Variants in PDZRN4 observed in about 807,000 individuals in gnomAD.
PDZRN4 encodes the protein PDZ domain containing ring finger 4.
Under a neutral mutation model 99.0 loss-of-function variants are expected in PDZRN4, and 70 were observed. That is an observed-to-expected ratio of 0.71 (90% confidence interval 0.58 to 0.86). The LOEUF (loss-of-function observed/expected upper bound fraction) is 0.86, where lower values mean the gene tolerates loss of function less well. PDZRN4 is among the 40% of genes least tolerant of loss of function. The probability of loss-of-function intolerance (pLI) is 0.00; values close to 1 mark genes in which losing one functional copy is unlikely to be tolerated. For missense variants in PDZRN4, 1,474 were observed against 1,331.2 expected (o/e 1.11, Z -1.67); for synonymous variants, 551 against 501.6 (o/e 1.10, Z -1.32).
At chr12:41,316,299 G>T in intron 3 of PDZRN4, among the ~76,000 whole-genome samples, 1 of 152,058 alleles carries the variant, frequency 6.6e-6, no homozygotes, top group East Asian at 1.9e-4. Context: ...TTAAAATCAA[G>T]ATAGGGAAGC....
intron 9 of PDZRN4, among the ~76,000 whole-genome samples, chr12:41,569,396 A>C (rs972303592): frequency 9.2e-5 from 14 of 152,244 alleles, no homozygotes; most frequent in African/African-American, 3.4e-4. Context: ...CTGGGATTAC[A>C]GGATCCCACC....
intron 3 of PDZRN4, among the ~76,000 whole-genome samples, chr12:41,405,390 C>A (rs1240800359): frequency 6.6e-6 from 1 of 152,164 alleles, no homozygotes; most frequent in African/African-American, 2.4e-5. Flanking sequence ...ATCAAAACCA[C>A]AATGAGATGC....
chr12:41,558,672 A>C (rs960633675), intron 7 of PDZRN4, among the ~76,000 whole-genome samples: 3 of 152,212 alleles, frequency 2.0e-5, no homozygotes, highest in Admixed American at 1.3e-4. Context: ...GTCTAGATTC[A>C]CTAAGGAAAC....
rs186764803 is a variant in PDZRN4 at position 41,193,998 on chromosome 12, T to C, written c.736-83T>C. On this transcript the variant is annotated intron_variant, in intron 2 of 9. Transcript: ENST00000402685. ...GAGTTGCAGGTTTACAGAGGATTGGTAATGTTACATTTGGTAAATTGTCCC... is the reference window on the plus strand; with the variant it reads ...GAGTTGCAGGTTTACAGAGGATTGGCAATGTTACATTTGGTAAATTGTCCC... 1.9e-3 allele frequency: 1,273 copies of C among 686,376 alleles called. 10 individuals are homozygous for C. The highest frequency in any genetic ancestry group is 5.8e-3 in the Admixed American group (255 of 43,720). The allele number at this position is 686,376 out of a possible 1,614,324, so 42.5% of individuals were successfully genotyped here.
chr12:41,528,340 C>A (rs144394214), intron 5 of PDZRN4, among the ~76,000 whole-genome samples: 4 of 152,188 alleles, frequency 2.6e-5, no homozygotes, highest in Admixed American at 6.5e-5. Flanking sequence ...CTCAGAGGAC[C>A]CTCCAGGGCT....
intron 3 of PDZRN4, among the ~76,000 whole-genome samples, chr12:41,339,689 T>G (rs1474976878): frequency 6.6e-6 from 1 of 152,036 alleles, no homozygotes; most frequent in Non-Finnish European, 1.5e-5. Flanking sequence ...AAGGAATTAA[T>G]AGGCAGAATA....
intron 3 of PDZRN4, among the ~76,000 whole-genome samples, chr12:41,204,249 T>A (rs968143343): frequency 2.6e-5 from 4 of 151,972 alleles, no homozygotes; most frequent in African/African-American, 7.2e-5. Context: ...CTATCCCCTA[T>A]GTCTGTTAGG....
chr12:41,208,192 T>G (rs992872323), intron 3 of PDZRN4, among the ~76,000 whole-genome samples: 1 of 151,888 alleles, frequency 6.6e-6, no homozygotes, highest in East Asian at 1.9e-4. Context: ...TCATAATCTA[T>G]TGGAAATATC....
intron 3 of PDZRN4, among the ~76,000 whole-genome samples, chr12:41,307,125 A>G (rs930939199): frequency 6.6e-6 from 1 of 151,976 alleles, no homozygotes; most frequent in African/African-American, 2.4e-5. Context: ...TTTTTTCAGT[A>G]TTTGTTATAG....
chr12:41,469,927 C>T (rs1032707974), intron 3 of PDZRN4, among the ~76,000 whole-genome samples: 1 of 151,404 alleles, frequency 6.6e-6, no homozygotes, highest in African/African-American at 2.4e-5. Flanking sequence ...GAGACTCCAT[C>T]TCAAAAATAA....
intron 5 of PDZRN4, among the ~76,000 whole-genome samples, chr12:41,515,647 A>G (rs1938388773): frequency 6.6e-6 from 1 of 152,058 alleles, no homozygotes; most frequent in Non-Finnish European, 1.5e-5. Context: ...AGGCCAAACC[A>G]ATAAGTGATC....
intron 3 of PDZRN4, among the ~76,000 whole-genome samples, chr12:41,377,998 C>A (rs1364815097): frequency 1.3e-5 from 2 of 152,102 alleles, no homozygotes; most frequent in Non-Finnish European, 2.9e-5. Context: ...GATGCTATCG[C>A]TAGAATTTCC....
At chr12:41,528,797 A>C (rs1207612947) in intron 5 of PDZRN4, among the ~76,000 whole-genome samples, 2 of 152,210 alleles carry the variant, frequency 1.3e-5, no homozygotes, top group African/African-American at 2.4e-5. Context: ...TCTTTAACAC[A>C]TAAGTTTTCA....
At chr12:41,415,895 T>C (rs1056754620) in intron 3 of PDZRN4, among the ~76,000 whole-genome samples, 3 of 152,216 alleles carry the variant, frequency 2.0e-5, no homozygotes, top group African/African-American at 7.2e-5. Flanking sequence ...TTTGTCTTAT[T>C]TTCATGCTTG....
At chr12:41,437,978 G>T (rs1952645596) in intron 3 of PDZRN4, 1 of 1,614,018 alleles carries the variant, frequency 6.2e-7, no homozygotes. Context: ...TCAGAAAAGA[G>T]AGGAACACTA....
At chr12:41,491,350 G>A (rs1412108737) in intron 3 of PDZRN4, among the ~76,000 whole-genome samples, 4 of 151,990 alleles carry the variant, frequency 2.6e-5, no homozygotes. Context: ...GTGAAACTCT[G>A]TCTCTAATAA....
chr12:41,309,773 A>G (rs1264625252), intron 3 of PDZRN4, among the ~76,000 whole-genome samples: 1 of 152,166 alleles, frequency 6.6e-6, no homozygotes, highest in Non-Finnish European at 1.5e-5. Flanking sequence ...TAACGGTAAA[A>G]AAATATTTTT....
At chr12:41,463,142 T>C (rs1952888520) in intron 3 of PDZRN4, among the ~76,000 whole-genome samples, 1 of 152,234 alleles carries the variant, frequency 6.6e-6, no homozygotes, top group African/African-American at 2.4e-5. Flanking sequence ...ATTTTAAGAC[T>C]GCAAAGCTGT....
intron 2 of PDZRN4, among the ~76,000 whole-genome samples, chr12:41,193,281 A>T (rs1950748269): frequency 2.0e-5 from 3 of 152,204 alleles, no homozygotes; most frequent in Non-Finnish European, 1.5e-5. Context: ...GTCTCTTAAA[A>T]TTCATGATAA....
Sources: allele counts gnomAD v4.1 joint callset (sites outside exome capture counted in the v4.1 genomes callset), GRCh38; gene constraint gnomAD v4.1.1; transcripts MANE v1.5; gene names NCBI Gene and HGNC (gene_info 2026-07-23, HGNC 2026-07-21).